The following COMMD10 variants were observed in gnomAD, a reference collection of about 807,000 sequenced individuals.
The protein encoded by COMMD10 is COMM domain containing 10.
A neutral mutation model predicts 28.9 loss-of-function variants in COMMD10; 33 were observed. The observed-to-expected ratio is 1.14, with a 90% CI of 0.87 to 1.53. The LOEUF is 1.53. Among genes scored for constraint, COMMD10 ranks in the 40% most tolerant of loss-of-function variants. COMMD10 has a pLI of 0.00. For synonymous variants in COMMD10, 110 were observed against 81.7 expected, an observed-to-expected ratio of 1.35 and a Z score of -1.87; for missense variants, 310 against 233.4, an observed-to-expected ratio of 1.33 and a Z score of -2.14.
intron 5 of COMMD10, among the ~76,000 whole-genome samples, chr5:116,141,763 G>C (rs1752203964): frequency 6.6e-6 from 1 of 151,700 alleles, no homozygotes; most frequent in South Asian, 2.1e-4. Context: ...TTTTAAGCTA[G>C]GTCATTATTT....
Position 116,091,122 on chromosome 5 carries a change from C to T in COMMD10, c.176C>T (p.Ala59Val), listed in dbSNP as rs146111323. 8.1e-5 allele frequency: 130 copies of T among 1,611,370 alleles called. No homozygotes were observed. Among genetic ancestry groups the T allele is most frequent in the Non-Finnish European group, 9.5e-5 (112 of 1,178,618 alleles). The change falls in exon 3 of 7, where the codon GCG becomes GTG. Residue 59 changes from alanine (A) to valine (V), a missense_variant. Coordinates refer to ENST00000274458, the MANE Select transcript of COMMD10 (RefSeq NM_016144.4). ...FSEEEEEKLQ[A>V]AFSLEKQDLH... is the part of the protein sequence containing the mutation. ...GAAGAAGAGGAAGAAAAACTTCAAGCGGCATTTTCTCTAGAGAAACAAGAT... is the reference window on the plus strand; with the variant it reads ...GAAGAAGAGGAAGAAAAACTTCAAGTGGCATTTTCTCTAGAGAAACAAGAT...
At chr5:116,250,428 A>C (rs562324634) in intron 5 of COMMD10, among the ~76,000 whole-genome samples, 1 of 151,558 alleles carries the variant, frequency 6.6e-6, no homozygotes, top group Non-Finnish European at 1.5e-5. Flanking sequence ...TACAGAGACA[A>C]GATTTTTATA....
At chr5:116,166,844 C>T (rs1399102952) in intron 5 of COMMD10, among the ~76,000 whole-genome samples, 1 of 152,086 alleles carries the variant, frequency 6.6e-6, no homozygotes, top group Non-Finnish European at 1.5e-5. Context: ...ATCCGAAGGT[C>T]ACCAACATCA....
chr5:116,171,216 C>T (rs1306565128), intron 5 of COMMD10, among the ~76,000 whole-genome samples: 2 of 152,100 alleles, frequency 1.3e-5, no homozygotes, highest in Non-Finnish European at 2.9e-5. Context: ...AGCCAGCAGA[C>T]ATACGAAAAA....
At chr5:116,262,024 C>G (rs902818513) in intron 5 of COMMD10, among the ~76,000 whole-genome samples, 11 of 151,566 alleles carry the variant, frequency 7.3e-5, no homozygotes, top group Admixed American at 4.0e-4. Context: ...ATTTTTTCCA[C>G]TTTCAGATAA....
intron 5 of COMMD10, among the ~76,000 whole-genome samples, chr5:116,147,338 G>A (rs1163552891): frequency 1.3e-5 from 2 of 151,766 alleles, no homozygotes; most frequent in South Asian, 2.1e-4. Context: ...TTTATCTCAC[G>A]AATTATCCTA....
At chr5:116,238,636 C>T (rs1749738557) in intron 5 of COMMD10, among the ~76,000 whole-genome samples, 1 of 152,106 alleles carries the variant, frequency 6.6e-6, no homozygotes, top group Non-Finnish European at 1.5e-5. Flanking sequence ...GTAGGCTCCC[C>T]AGGAGTTCAT....
intron 4 of COMMD10, among the ~76,000 whole-genome samples, chr5:116,099,140 C>T (rs1750566458): frequency 6.6e-6 from 1 of 152,170 alleles, no homozygotes; most frequent in African/African-American, 2.4e-5. Context: ...CCTCATACCC[C>T]ATCCCCAGGC....
At chr5:116,116,703 A>ATT (rs70978604) in intron 4 of COMMD10, among the ~76,000 whole-genome samples, 17 of 121,548 alleles carry the variant, frequency 1.4e-4, no homozygotes, top group East Asian at 2.3e-4. Context: ...AAATGCAGAG[A>ATT]TTTTTTTTTT....
At position 116,180,661 on chromosome 5, in the gene COMMD10, G is replaced by A. The variant is rs550439185; in HGVS notation, c.510+46483G>A. ...AAAGTTTATTTGAAAAACGAATTTA[G>A]TGAAACCAAAATTAAAAAAAAATAA... On this transcript the variant is annotated intron_variant, in intron 5 of 6. Transcript: ENST00000274458. Among the ~76,000 whole-genome samples the A allele has an allele frequency of 5.3e-5, 8 of 151,598 alleles. No homozygotes were observed. The South Asian group carries it at 1.7e-3, about 32-fold the overall frequency.
Position 116,272,202 on chromosome 5 carries a change from G to T in COMMD10, c.511-19315G>T, listed in dbSNP as rs76887055. On this transcript the variant is annotated intron_variant, in intron 5 of 6. Transcript: ENST00000274458. ...GGAATTGAGGAATTTAGCCATGTCA[G>T]TGCAGTCTTTTTGTACCTTACTAAC... 8.0e-3 allele frequency among the ~76,000 whole-genome samples: 1,220 copies of T among 151,930 alleles called. 16 individuals carry two copies. Among genetic ancestry groups the T allele is most frequent in the Admixed American group, 0.015 (236 of 15,248 alleles).
chr5:116,155,429 A>G (rs1007764826), intron 5 of COMMD10, among the ~76,000 whole-genome samples: 11 of 151,998 alleles, frequency 7.2e-5, no homozygotes, highest in African/African-American at 2.4e-4. Context: ...GTCTGTTTCC[A>G]TTTTCTACTG....
Position 116,195,797 on chromosome 5 carries a change from G to A in COMMD10, c.510+61619G>A, listed in dbSNP as rs112552436. ...AGACATGAATAGACAATTCTCAAAA[G>A]AAAATATAACAAATGGCCAACAAAC... On this transcript the variant is annotated intron_variant, in intron 5 of 6. Coordinates refer to ENST00000274458, the MANE Select transcript of COMMD10 (RefSeq NM_016144.4). Among the ~76,000 whole-genome samples the A allele has an allele frequency of 7.9e-3, 1,208 of 152,058 alleles. 16 individuals are homozygous for A. The highest frequency in any genetic ancestry group is 0.027 in the African/African-American group (1,116 of 41,464).
At chr5:116,113,514 A>T (rs1406172040) in intron 4 of COMMD10, among the ~76,000 whole-genome samples, 1 of 151,936 alleles carries the variant, frequency 6.6e-6, no homozygotes, top group African/African-American at 2.4e-5. Flanking sequence ...AATTTTTATC[A>T]GACTGCACTG....
chr5:116,281,961 C>G (rs974626221), intron 5 of COMMD10, among the ~76,000 whole-genome samples: 8 of 151,788 alleles, frequency 5.3e-5, no homozygotes, highest in African/African-American at 1.9e-4. Context: ...TGGGCAATTT[C>G]ATGTACTTTC....
In COMMD10 at chr5:116,172,224, G is replaced by A. The variant is rs139114699; in HGVS notation, c.510+38046G>A. ...TTTATGGCAAGATTTTATTTAATAT[G>A]TAAGGCTGGAGGGAGGTGTGAGAGG... is the stretch of plus-strand genomic sequence containing the variant. On this transcript the variant is annotated intron_variant, in intron 5 of 6. Coordinates refer to ENST00000274458, the MANE Select transcript of COMMD10 (RefSeq NM_016144.4). Among the ~76,000 whole-genome samples, 33 of 152,208 alleles carry A rather than the reference G, an allele frequency of 2.2e-4. 1 individual carries two copies. In the East Asian group the frequency reaches 6.2e-3, roughly 29 times the overall value.
In COMMD10 at chr5:116,134,162, A is replaced by G. The variant is rs1415024043; in HGVS notation, c.494A>G (p.Asn165Ser). The G allele has an allele frequency of 3.1e-6, 5 of 1,597,662 alleles. No individual in the cohort carries two copies. Among genetic ancestry groups the G allele is most frequent in the Non-Finnish European group, 4.3e-6 (5 of 1,164,990 alleles). The change falls in exon 5 of 7, where the codon AAC becomes AGC. Residue 165 changes from asparagine (N) to serine (S), a missense_variant. Asn to Ser is a conservative substitution (Grantham distance 46). Transcript: ENST00000274458. ...SPQAVLQLGV[N>S]NEDSKSLEKV... ...CAAGCTGTGTTACAACTCGGAGTGA[A>G]CAATGAAGATTCAAAGGTAAGAAAT...
At chr5:116,226,022 C>T (rs920157193) in intron 5 of COMMD10, among the ~76,000 whole-genome samples, 6 of 152,004 alleles carry the variant, frequency 3.9e-5, no homozygotes, top group South Asian at 2.1e-4. Context: ...TTAGCCAGTG[C>T]GATGCCATTT....
chr5:116,139,786 T>C (rs1580480938), intron 5 of COMMD10, among the ~76,000 whole-genome samples: 1 of 151,792 alleles, frequency 6.6e-6, no homozygotes, highest in Non-Finnish European at 1.5e-5. Context: ...ATATTTAAGG[T>C]ATACGGCATG....
Sources: allele counts gnomAD v4.1 joint callset (sites outside exome capture counted in the v4.1 genomes callset), GRCh38; gene constraint gnomAD v4.1.1; transcripts MANE v1.5; gene names NCBI Gene and HGNC (gene_info 2026-07-23, HGNC 2026-07-21).